CNBD1: variants seen among roughly 807,000 people sequenced by gnomAD.
The protein encoded by CNBD1 is cyclic nucleotide-binding domain-containing protein 1.
CNBD1 carries 71 observed loss-of-function variants against 54.4 expected under a neutral mutation model. That is an observed-to-expected ratio of 1.30 (90% CI 1.08 to 1.59). The LOEUF (loss-of-function observed/expected upper bound fraction) is 1.59, where lower values mean the gene tolerates loss of function less well. Ranked by LOEUF, CNBD1 falls within the 40% of genes most tolerant of loss-of-function variation. The pLI is 0.00. For missense variants in CNBD1, 659 were observed against 518.0 expected, an observed-to-expected ratio of 1.27 and a Z score of -2.64; for synonymous variants, 182 against 170.7, an observed-to-expected ratio of 1.07 and a Z score of -0.51.
Position 87,166,467 on chromosome 8 carries a change from C to T in CNBD1, c.432-39526C>T, listed in dbSNP as rs1183183460. Among the ~76,000 whole-genome samples, 5 of 151,982 alleles carry T rather than the reference C, an allele frequency of 3.3e-5. No homozygotes were observed. In the South Asian group the frequency reaches 8.3e-4, roughly 25 times the overall value. Reference sequence around the variant, plus strand: ...TGAAATGCTCTTTTCAAAACACAAACTGATTTCATTTGTTGCCCCATTAAT... The same window carrying T: ...TGAAATGCTCTTTTCAAAACACAAATTGATTTCATTTGTTGCCCCATTAAT... On this transcript the variant is annotated intron_variant, in intron 4 of 10. Coordinates refer to ENST00000518476, the MANE Select transcript of CNBD1 (RefSeq NM_173538.3). The surrounding 1 kb of genome is among the most constrained non-coding windows in gnomAD (Gnocchi z 4.3).
rs73693007 is a variant in CNBD1, at chr8:87,056,364, T to G, written c.431+116610T>G. ...GTTCCATGGGGGCAACACACAACTG[T>G]ACAGCCTTACAGTCCCTAGACTTAA... On this transcript the variant is annotated intron_variant, in intron 4 of 10. Transcript: ENST00000518476. 5.1e-3 allele frequency among the ~76,000 whole-genome samples: 773 copies of G among 152,270 alleles called. 12 individuals carry two copies. The highest frequency in any genetic ancestry group is 0.018 in the African/African-American group (734 of 41,560).
chr8:87,207,435 TC>T lies in CNBD1; in HGVS notation c.577+1298del, dbSNP rs1490865398. Among the ~76,000 whole-genome samples, 4 of 151,712 alleles carry T rather than the reference TC, an allele frequency of 2.6e-5. No individual in the cohort carries two copies. In the East Asian group the frequency reaches 7.7e-4, roughly 29 times the overall value. On this transcript the variant is annotated intron_variant, in intron 5 of 10. Transcript: ENST00000518476. ...TATTAATAACACATTTATGAAAAAA[TC>T]TAAATTTATGCACATAGACACACAC...
chr8:87,328,608 A>T lies in CNBD1; in HGVS notation c.1043-23077A>T, dbSNP rs187423151. Among the ~76,000 whole-genome samples, 593 of 152,046 alleles carry T rather than the reference A, an allele frequency of 3.9e-3. 8 individuals carry two copies. Among genetic ancestry groups the T allele is most frequent in the African/African-American group, 0.013 (560 of 41,510 alleles). On this transcript the variant is annotated intron_variant, in intron 8 of 10. Coordinates refer to ENST00000518476, the MANE Select transcript of CNBD1 (RefSeq NM_173538.3). The stretch of plus-strand genomic sequence containing the variant: ...TTGGAGTCCTTTGTGATTCCATATC[A>T]ATTTTAGGATTATTTTGTCTGTTTA...
chr8:87,045,021 C>G (rs910293005), intron 4 of CNBD1, among the ~76,000 whole-genome samples: 2 of 152,124 alleles, frequency 1.3e-5, no homozygotes, highest in African/African-American at 4.8e-5. Flanking sequence ...ATAAGAGACC[C>G]TAACTGCTGT....
intron 5 of CNBD1, among the ~76,000 whole-genome samples, chr8:87,207,006 T>C (rs926704693): frequency 2.0e-5 from 3 of 152,142 alleles, no homozygotes; most frequent in African/African-American, 4.8e-5. Context: ...TTAAAGAATA[T>C]GTGTCTATTG....
chr8:86,882,781 C>CAATGATAGACTGGGTA (rs1808623810), intron 1 of CNBD1, among the ~76,000 whole-genome samples: 1 of 152,088 alleles, frequency 6.6e-6, no homozygotes, highest in Non-Finnish European at 1.5e-5. Context: ...AAATGCCCAT[C>CAATGATAGACTGGGTA]AATGATAGAC....
intron 4 of CNBD1, among the ~76,000 whole-genome samples, chr8:87,120,947 A>G (rs1344106152): frequency 6.6e-6 from 1 of 151,918 alleles, no homozygotes; most frequent in African/African-American, 2.4e-5. Flanking sequence ...TGTTTCCTCT[A>G]ATTTTCTGAA....
chr8:87,365,586 T>C (rs1031347069), intron 10 of CNBD1, among the ~76,000 whole-genome samples: 2 of 152,110 alleles, frequency 1.3e-5, no homozygotes, highest in African/African-American at 4.8e-5. Flanking sequence ...TCAAAGGTTC[T>C]ATGTTTACAT....
chr8:87,000,620 G>A (rs1024603453), intron 4 of CNBD1, among the ~76,000 whole-genome samples: 32 of 152,162 alleles, frequency 2.1e-4, no homozygotes, highest in African/African-American at 7.7e-4. Flanking sequence ...TTTGGCCCAT[G>A]ATAACATTAA....
chr8:87,092,431 ATG>A (rs1390938972), intron 4 of CNBD1, among the ~76,000 whole-genome samples: 1,657 of 113,518 alleles, frequency 0.015, 43 homozygotes, highest in African/African-American at 0.055. Context: ...GTATGTATGT[ATG>A]TGTGTGTGTA....
chr8:87,249,358 C>G (rs1807867443), intron 6 of CNBD1, among the ~76,000 whole-genome samples: 1 of 152,050 alleles, frequency 6.6e-6, no homozygotes, highest in Non-Finnish European at 1.5e-5. Flanking sequence ...TCCTGCTTGC[C>G]CATTGCTTGT....
intron 4 of CNBD1, among the ~76,000 whole-genome samples, chr8:86,998,984 G>A (rs961089627): frequency 1.3e-5 from 2 of 152,100 alleles, no homozygotes; most frequent in Admixed American, 6.6e-5. Context: ...TCCCATTTTT[G>A]ACCTTTTTGC....
chr8:87,117,598 G>T (rs1475425296), intron 4 of CNBD1, among the ~76,000 whole-genome samples: 1 of 152,006 alleles, frequency 6.6e-6, no homozygotes, highest in African/African-American at 2.4e-5. Context: ...ATTTACTGCT[G>T]GTCTTTCATT....
rs73693045 is a variant in CNBD1 at position 87,137,931 on chromosome 8, A to G, written c.432-68062A>G. Among the ~76,000 whole-genome samples the G allele has an allele frequency of 4.4e-3, 671 of 152,256 alleles. 6 individuals carry two copies. Among genetic ancestry groups the G allele is most frequent in the African/African-American group, 0.015 (636 of 41,554 alleles). ...AGTTTCTGCCATAATTATGGTTATG[A>G]TTCTTCATTTTGTTCTTGAAGCCCT... On this transcript the variant is annotated intron_variant, in intron 4 of 10. Transcript: ENST00000518476.
chr8:87,154,914 G>A (rs796175861), intron 4 of CNBD1, among the ~76,000 whole-genome samples: 38 of 152,144 alleles, frequency 2.5e-4, no homozygotes, highest in African/African-American at 8.7e-4. Flanking sequence ...CGCTAATGGG[G>A]TTGTGGGGAG....
intron 6 of CNBD1, among the ~76,000 whole-genome samples, chr8:87,281,086 A>G (rs920181597): frequency 1.3e-5 from 2 of 151,658 alleles, no homozygotes; most frequent in Non-Finnish European, 3.0e-5. Flanking sequence ...AAAGTAGACC[A>G]TGATTATTAC....
chr8:87,208,419 CTA>C (rs749262760), intron 5 of CNBD1, among the ~76,000 whole-genome samples: 35 of 151,642 alleles, frequency 2.3e-4, no homozygotes, highest in Non-Finnish European at 4.9e-4. Context: ...ATTAATATTA[CTA>C]TATATGAGTA....
chr8:87,118,314 C>CAAAAAAAAAAAAAAA (rs34800282), intron 4 of CNBD1, among the ~76,000 whole-genome samples: 1 of 109,176 alleles, frequency 9.2e-6, no homozygotes, highest in Non-Finnish European at 1.8e-5. Context: ...GACTCTGTCT[C>CAAAAAAAAAAAAAAA]AAAAAAAAAA....
intron 2 of CNBD1, among the ~76,000 whole-genome samples, chr8:87,420,774 CTT>C (rs1167576631): frequency 0.011 from 1,594 of 141,802 alleles, 34 homozygotes; most frequent in African/African-American, 0.038. Context: ...TGATTTTCTT[CTT>C]TTTTTTTTTT....
Sources: allele counts gnomAD v4.1 joint callset (sites outside exome capture counted in the v4.1 genomes callset), GRCh38; gene constraint gnomAD v4.1.1; non-coding constraint Gnocchi (gnomAD v3.1); transcripts MANE v1.5; gene names NCBI Gene and HGNC (gene_info 2026-07-23, HGNC 2026-07-21).